CDC27: variants seen among roughly 807,000 people sequenced by gnomAD.
The protein encoded by CDC27 is cell division cycle protein 27 homolog.
CDC27 carries 27 observed loss-of-function variants against 109.7 expected under a neutral mutation model. The ratio of observed to expected loss-of-function variants is 0.25; its 90% CI spans 0.18 to 0.34. CDC27 has a LOEUF of 0.34. Among genes scored for constraint, CDC27 ranks in the 10% least tolerant of loss-of-function variants. The probability of loss-of-function intolerance (pLI) is 1.00; values close to 1 mark genes in which losing one functional copy is unlikely to be tolerated. For synonymous variants in CDC27, 266 were observed against 333.9 expected, an observed-to-expected ratio of 0.80 and a Z score of 2.22; for missense variants, 579 against 960.2, an observed-to-expected ratio of 0.60 and a Z score of 5.25.
intron 2 of CDC27, among the ~76,000 whole-genome samples, chr17:47,173,736 T>C (rs564124762): frequency 2.0e-5 from 3 of 152,356 alleles, no homozygotes; most frequent in East Asian, 1.9e-4. Context: ...TTTTGAAGCA[T>C]AGTAACTTAA....
At chr17:47,154,854 A>C in intron 7 of CDC27, 68 bp from the exon 8 acceptor site, 1 of 742,068 alleles carries the variant, frequency 1.3e-6, no homozygotes, top group African/African-American at 1.8e-5. Flanking sequence ...AGTATACTTA[A>C]ATTAGAAGGT....
At chr17:47,127,611 C>T (rs575465176) in intron 16 of CDC27, among the ~76,000 whole-genome samples, 2 of 152,098 alleles carry the variant, frequency 1.3e-5, no homozygotes, top group African/African-American at 2.4e-5. Context: ...CCAAGTTGGC[C>T]GGGCTGGCCT....
chr17:47,153,531 G>A (rs1366493365), intron 8 of CDC27, among the ~76,000 whole-genome samples: 10 of 152,110 alleles, frequency 6.6e-5, no homozygotes, highest in Non-Finnish European at 1.5e-5. Context: ...TTCTAAGGAT[G>A]TTCAGGAGTA....
intron 2 of CDC27, among the ~76,000 whole-genome samples, chr17:47,180,130 C>T (rs921569505): frequency 6.6e-6 from 1 of 151,862 alleles, no homozygotes; most frequent in African/African-American, 2.4e-5. Context: ...TCTGACTCAA[C>T]AAAAATTTTT....
At chr17:47,142,865 T>C (rs1398615870) in intron 10 of CDC27, among the ~76,000 whole-genome samples, 1 of 152,120 alleles carries the variant, frequency 6.6e-6, no homozygotes, top group East Asian at 1.9e-4. Flanking sequence ...TGGAAGAGAC[T>C]GGATTTCTCC....
Position 47,120,865 on chromosome 17 carries a change from G to A in CDC27, c.*70C>T, listed in dbSNP as rs2061965310. The A allele has an allele frequency of 9.1e-7, 1 of 1,095,184 alleles. No homozygotes were observed. The highest frequency in any genetic ancestry group is 2.4e-5 in the East Asian group (1 of 41,132). 67.8% of individuals were successfully genotyped at this position (1,095,184 alleles called of 1,614,324 possible). ...CCGCCAGCTCAAGAGTAAAGACTCA[G>A]TATACAGAGGGACAAGAAACACGTC... is the stretch of plus-strand genomic sequence containing the variant. On this transcript the variant is annotated 3_prime_UTR_variant, in exon 19 of 19. Coordinates refer to ENST00000066544, the MANE Select transcript of CDC27 (RefSeq NM_001256.6).
At chr17:47,134,153 C>T (rs2062491649) in intron 14 of CDC27, among the ~76,000 whole-genome samples, 1 of 152,134 alleles carries the variant, frequency 6.6e-6, no homozygotes, top group Admixed American at 6.5e-5. Context: ...CCCACCTTGG[C>T]CTCCCAAACG....
At chr17:47,145,917 A>G (rs2062946672) in intron 9 of CDC27, among the ~76,000 whole-genome samples, 1 of 152,008 alleles carries the variant, frequency 6.6e-6, no homozygotes, top group South Asian at 2.1e-4. Context: ...AAAGTCAACC[A>G]TGTGATTAGA....
rs141857120 is a variant in CDC27 at position 47,174,165 on chromosome 17, C to T, written c.104-2101G>A. 2.8e-3 allele frequency among the ~76,000 whole-genome samples: 422 copies of T among 152,240 alleles called. 2 individuals carry two copies. Among genetic ancestry groups the T allele is most frequent in the African/African-American group, 9.9e-3 (412 of 41,522 alleles). ...CAGAGCAATCTGAAGTGTTGTGACA[C>T]GGGTGGTTTCTTAGGCTCCTCACAA... On this transcript the variant is annotated intron_variant, in intron 2 of 18. Transcript: ENST00000066544.
At chr17:47,129,604 T>A (rs1477997136) in intron 15 of CDC27, 83 bp from the exon 16 acceptor site, 10 of 893,058 alleles carry the variant, frequency 1.1e-5, no homozygotes, top group African/African-American at 1.7e-5. Flanking sequence ...AAAACCAACA[T>A]AATCAAATTA....
chr17:47,137,039 T>C (rs2062627268), intron 14 of CDC27, 113 bp downstream of exon 14: 2 of 536,996 alleles, frequency 3.7e-6, no homozygotes, highest in Non-Finnish European at 3.2e-6. Flanking sequence ...GTATGTACCA[T>C]CCCTAAGTAT....
chr17:47,151,770 T>G, intron 9 of CDC27, 36 bp downstream of exon 9: 1 of 1,475,682 alleles, frequency 6.8e-7, no homozygotes, highest in Non-Finnish European at 9.1e-7. Context: ...TCAAGTTTTA[T>G]GCCAAGAAAA....
rs1296542037 is a variant in CDC27, at chr17:47,159,285, T to C, written c.378-982A>G. The C allele has an allele frequency of 6.9e-6, 4 of 582,188 alleles. No homozygotes were observed. The East Asian group carries it at 9.2e-5, about 13-fold the overall frequency. The allele number at this position is 582,188 out of a possible 1,614,324, so 36.1% of individuals were successfully genotyped here. A position where few individuals can be genotyped will look rare whatever the true frequency, so the allele number is the denominator to read the frequency against. On this transcript the variant is annotated intron_variant, in intron 4 of 18. Transcript: ENST00000066544. ...GTCAGTGAATTCCCGATAGGGAGACTTGGTGAATACAGTCTCCTTCCAGAG... is the reference window on the plus strand; with the variant it reads ...GTCAGTGAATTCCCGATAGGGAGACCTGGTGAATACAGTCTCCTTCCAGAG...
At chr17:47,175,642 C>A (rs2063977715) in intron 2 of CDC27, among the ~76,000 whole-genome samples, 1 of 152,110 alleles carries the variant, frequency 6.6e-6, no homozygotes, top group South Asian at 2.1e-4. Flanking sequence ...ATGGCGAAAC[C>A]CCATCTCTAC....
chr17:47,189,177 G>A lies in CDC27; in HGVS notation c.-5C>T, dbSNP rs373705418. 277 of 1,611,948 alleles carry A rather than the reference G, an allele frequency of 1.7e-4. No homozygotes were observed. Among genetic ancestry groups the A allele is most frequent in the Non-Finnish European group, 2.2e-4 (264 of 1,178,190 alleles). Reference sequence around the variant, plus strand: ...GGGTTCCTGCAGCACCGTCATCCTCGAGGCTCAGGCCCACTTTCTGCAGTG... The same window carrying A: ...GGGTTCCTGCAGCACCGTCATCCTCAAGGCTCAGGCCCACTTTCTGCAGTG... On this transcript the variant is annotated 5_prime_UTR_variant, in exon 1 of 19. Transcript: ENST00000066544.
chr17:47,158,106 C>A (rs2063373656), intron 5 of CDC27, 100 bp downstream of exon 5: 1 of 450,894 alleles, frequency 2.2e-6, no homozygotes, highest in African/African-American at 2.0e-5. Context: ...AAATATTTTT[C>A]TTGGGGGTAG....
At chr17:47,155,247 T>A (rs1234353853) in intron 7 of CDC27, among the ~76,000 whole-genome samples, 1 of 152,148 alleles carries the variant, frequency 6.6e-6, no homozygotes, top group African/African-American at 2.4e-5. Context: ...TTCTAGCATA[T>A]ATGTATATAT....
chr17:47,157,678 T>A (rs566941753), intron 5 of CDC27, among the ~76,000 whole-genome samples: 1 of 152,202 alleles, frequency 6.6e-6, no homozygotes, highest in Non-Finnish European at 1.5e-5. Context: ...TGAAAATAAC[T>A]AGATCTCATT....
Position 47,129,436 on chromosome 17 carries a change from T to C in CDC27, c.2117A>G (p.Lys706Arg). ...AAATAAAACTGAGGCTCTGTGAAATTTGCATAGAGGGTTCTTGGGATCAAT... is the reference window on the plus strand; with the variant it reads ...AAATAAAACTGAGGCTCTGTGAAATCTGCATAGAGGGTTCTTGGGATCAAT... ...IVIDPKNPLC[K>R]FHRASVLFAN... The change falls in exon 16 of 19, where the codon AAA becomes AGA. Residue 706 changes from lysine (K) to arginine (R), a missense_variant. Coordinates refer to ENST00000066544, the MANE Select transcript of CDC27 (RefSeq NM_001256.6). The C allele has an allele frequency of 6.2e-7, 1 of 1,612,186 alleles. No individual in the cohort carries two copies. The highest frequency in any genetic ancestry group is 8.5e-7 in the Non-Finnish European group (1 of 1,178,454).
Sources: allele counts gnomAD v4.1 joint callset (sites outside exome capture counted in the v4.1 genomes callset), GRCh38; gene constraint gnomAD v4.1.1; transcripts MANE v1.5; gene names NCBI Gene and HGNC (gene_info 2026-07-23, HGNC 2026-07-21).